Variants in STAG1 observed in about 807,000 individuals in gnomAD.
STAG1 encodes the protein STAG1 cohesin complex component, also known as cohesin subunit SA-1.
In STAG1, 26 loss-of-function variants were observed where a neutral mutation model predicts 170.9. The observed-to-expected ratio is 0.15, with a 90% CI of 0.11 to 0.21. STAG1 has a LOEUF of 0.21. STAG1 is among the 10% of genes least tolerant of loss of function. The pLI is 1.00. For synonymous variants in STAG1, 514 were observed against 497.7 expected, an observed-to-expected ratio of 1.03 and a Z score of -0.44; for missense variants, 964 against 1,509.5, an observed-to-expected ratio of 0.64 and a Z score of 5.99.
chr3:136,702,073 G>GAA (rs1491515510), intron 1 of STAG1, among the ~76,000 whole-genome samples: 1 of 75,776 alleles, frequency 1.3e-5, no homozygotes, highest in East Asian at 3.8e-4. Flanking sequence ...CCACCATGCC[G>GAA]AAAGAGAGAG....
intron 8 of STAG1, among the ~76,000 whole-genome samples, chr3:136,501,465 T>C (rs1026497051): frequency 6.6e-6 from 1 of 152,116 alleles, no homozygotes; most frequent in Non-Finnish European, 1.5e-5. Flanking sequence ...GGAATAAATT[T>C]GGGGACAAAC....
intron 1 of STAG1, among the ~76,000 whole-genome samples, chr3:136,742,262 C>T (rs556465669): frequency 6.6e-6 from 1 of 152,228 alleles, no homozygotes; most frequent in East Asian, 1.9e-4. Flanking sequence ...AACACACTTT[C>T]AAGTATAAAA....
intron 1 of STAG1, among the ~76,000 whole-genome samples, chr3:136,634,107 C>T (rs529693868): frequency 7.9e-5 from 12 of 151,076 alleles, no homozygotes; most frequent in Middle Eastern, 3.4e-3. Flanking sequence ...TACCACTGCA[C>T]TCCAGTCTCG....
At chr3:136,672,652 T>C (rs1318089726) in intron 1 of STAG1, among the ~76,000 whole-genome samples, 4 of 152,056 alleles carry the variant, frequency 2.6e-5, no homozygotes, top group Non-Finnish European at 4.4e-5. Flanking sequence ...CTAGAGTACT[T>C]AGAACATGAT....
intron 1 of STAG1, chr3:136,737,068 G>C: frequency 8.4e-7 from 1 of 1,193,586 alleles, no homozygotes; most frequent in Admixed American, 1.7e-5. Flanking sequence ...ACCTCAAATG[G>C]GGTGAAACTG....
At chr3:136,471,424 T>C (rs1466193745) in intron 12 of STAG1, among the ~76,000 whole-genome samples, 2 of 151,910 alleles carry the variant, frequency 1.3e-5, no homozygotes, top group African/African-American at 2.4e-5. Context: ...AGAAGGTAAC[T>C]AGATTTTGAA....
intron 16 of STAG1, among the ~76,000 whole-genome samples, chr3:136,427,003 T>A (rs1036274049): frequency 2.0e-5 from 3 of 149,658 alleles, no homozygotes; most frequent in Non-Finnish European, 4.4e-5. Context: ...CAGCTTGCAG[T>A]GAGCCGAGAT....
At chr3:136,366,731 T>C (rs1433375762) in intron 25 of STAG1, among the ~76,000 whole-genome samples, 2 of 152,142 alleles carry the variant, frequency 1.3e-5, no homozygotes, top group African/African-American at 4.8e-5. Context: ...CTAGAAAGTA[T>C]GTTCTTTCAT....
chr3:136,516,341 A>G (rs1018218695), intron 7 of STAG1, among the ~76,000 whole-genome samples: 1 of 151,970 alleles, frequency 6.6e-6, no homozygotes, highest in Admixed American at 6.6e-5. Flanking sequence ...TCCCAACTCT[A>G]CAAAAACTAC....
At chr3:136,564,539 T>A (rs531273097) in intron 5 of STAG1, among the ~76,000 whole-genome samples, 1 of 152,350 alleles carries the variant, frequency 6.6e-6, no homozygotes, top group African/African-American at 2.4e-5. Flanking sequence ...TTTACTAATG[T>A]CTCATAGGTA....
At chr3:136,535,519 T>C (rs1281362611) in intron 6 of STAG1, among the ~76,000 whole-genome samples, 2 of 152,046 alleles carry the variant, frequency 1.3e-5, no homozygotes, top group African/African-American at 2.4e-5. Context: ...AAAAATTAGC[T>C]AGGCACAGTG....
intron 15 of STAG1, among the ~76,000 whole-genome samples, chr3:136,436,597 A>C (rs565519433): frequency 6.8e-4 from 103 of 152,052 alleles, no homozygotes; most frequent in African/African-American, 2.3e-3. Flanking sequence ...TCAGATTTTG[A>C]TAATTCGAAT....
At chr3:136,528,169 C>T (rs528820378) in intron 6 of STAG1, among the ~76,000 whole-genome samples, 26 of 152,152 alleles carry the variant, frequency 1.7e-4, no homozygotes, top group Non-Finnish European at 3.1e-4. Context: ...TTCAGCTATG[C>T]CCTGCCCCAG....
chr3:136,630,169 T>C (rs1412731578), intron 2 of STAG1, among the ~76,000 whole-genome samples: 2 of 152,150 alleles, frequency 1.3e-5, no homozygotes, highest in Non-Finnish European at 2.9e-5. Flanking sequence ...CATTCCAGCA[T>C]GGGCAACAGT....
intron 1 of STAG1, among the ~76,000 whole-genome samples, chr3:136,632,843 T>C (rs1326499483): frequency 1.4e-4 from 21 of 152,126 alleles, no homozygotes. Flanking sequence ...GGCTATTTAT[T>C]GCAAAAATAC....
intron 6 of STAG1, among the ~76,000 whole-genome samples, chr3:136,526,949 T>C (rs1264451471): frequency 6.6e-6 from 1 of 152,254 alleles, no homozygotes; most frequent in Non-Finnish European, 1.5e-5. Flanking sequence ...GTACAGTTTC[T>C]GCTGAGAAAT....
intron 1 of STAG1, among the ~76,000 whole-genome samples, chr3:136,741,015 T>C (rs1003470205): frequency 4.0e-5 from 6 of 151,744 alleles, no homozygotes; most frequent in African/African-American, 1.2e-4. Context: ...CTCCATGGAG[T>C]CTCTTGATTT....
chr3:136,596,505 T>C (rs1197255804), intron 4 of STAG1, among the ~76,000 whole-genome samples: 3 of 152,212 alleles, frequency 2.0e-5, no homozygotes, highest in South Asian at 2.1e-4. Context: ...AAAGTTTGTA[T>C]GACTCACTGG....
intron 22 of STAG1, among the ~76,000 whole-genome samples, chr3:136,393,698 C>T (rs1242222667): frequency 2.0e-5 from 3 of 148,520 alleles, no homozygotes; most frequent in Admixed American, 6.9e-5. Context: ...TGGGTTCAGG[C>T]GATTCTCCTG....
Sources: allele counts gnomAD v4.1 joint callset (sites outside exome capture counted in the v4.1 genomes callset), GRCh38; gene constraint gnomAD v4.1.1; transcripts MANE v1.5; gene names NCBI Gene and HGNC (gene_info 2026-07-23, HGNC 2026-07-21).